Variants in BLM observed in about 807,000 individuals in gnomAD.
The protein encoded by BLM is BLM RecQ like helicase.
BLM carries 95 observed loss-of-function variants against 135.3 expected under a neutral mutation model. That is an observed-to-expected ratio of 0.70 (90% confidence interval 0.59 to 0.83). The LOEUF is 0.83. Among genes scored for constraint, BLM ranks in the 40% least tolerant of loss-of-function variants. The pLI, the probability that BLM is intolerant of heterozygous loss-of-function variation, is 0.00. For missense variants in BLM, 1,518 were observed against 1,663.9 expected (o/e 0.91, Z 1.53); for synonymous variants, 520 against 589.2 (o/e 0.88, Z 1.70).
intron 1 of BLM, among the ~76,000 whole-genome samples, chr15:90,720,819 C>T (rs183254747): frequency 1.2e-4 from 18 of 152,050 alleles, no homozygotes; most frequent in African/African-American, 4.1e-4. Flanking sequence ...ATCTCGAACT[C>T]GTAGGCTCAA....
At chr15:90,764,095 C>G (rs1174127063) in intron 8 of BLM, among the ~76,000 whole-genome samples, 1 of 151,662 alleles carries the variant, frequency 6.6e-6, no homozygotes, top group Admixed American at 6.6e-5. Flanking sequence ...TTTCAGAACT[C>G]TAACGCTGGA....
intron 14 of BLM, among the ~76,000 whole-genome samples, chr15:90,789,022 T>C (rs1211967293): frequency 2.3e-5 from 3 of 131,992 alleles, no homozygotes; most frequent in Admixed American, 8.3e-5. Flanking sequence ...TTATGTATAG[T>C]ATAAATAATC....
chr15:90,768,143 A>G (rs941595485), intron 10 of BLM, among the ~76,000 whole-genome samples: 6 of 152,002 alleles, frequency 3.9e-5, no homozygotes, highest in Admixed American at 6.6e-5. Flanking sequence ...GGGTTTCACC[A>G]TCTTGGCCAG....
chr15:90,730,897 T>C (rs1895051254), intron 1 of BLM, among the ~76,000 whole-genome samples: 1 of 152,182 alleles, frequency 6.6e-6, no homozygotes, highest in Non-Finnish European at 1.5e-5. Flanking sequence ...GAACCACTTC[T>C]GAGTCATTTT....
intron 14 of BLM, among the ~76,000 whole-genome samples, chr15:90,787,776 C>A (rs1268288382): frequency 1.3e-5 from 2 of 151,932 alleles, no homozygotes; most frequent in Non-Finnish European, 2.9e-5. Flanking sequence ...ATGGTGAAAC[C>A]CTGTCTCTAC....
intron 14 of BLM, among the ~76,000 whole-genome samples, chr15:90,787,583 A>T (rs1484154731): frequency 6.6e-6 from 1 of 152,180 alleles, no homozygotes; most frequent in Non-Finnish European, 1.5e-5. Flanking sequence ...AGAAAGATAT[A>T]AGAAGACTTA....
In BLM at chr15:90,798,200, C is replaced by G. The variant is rs144021705; in HGVS notation, c.3221C>G (p.Thr1074Arg). The G allele has an allele frequency of 6.2e-7, 1 of 1,605,184 alleles. No individual in the cohort carries two copies. Among genetic ancestry groups the G allele is most frequent in the Non-Finnish European group, 8.5e-7 (1 of 1,173,064 alleles). ...TCTTTTTATTCATAGGATTATAAAA[C>G]AAGAGATGTGACTGACGATGTGAAA... The part of the protein sequence containing the change: ...DNCCKTKDYK[T>R]RDVTDDVKSI... The change falls in exon 17 of 22, where the codon ACA (threonine) becomes AGA (arginine). Residue 1074 changes from threonine to arginine, a missense_variant. Physicochemically the swap from Thr to Arg is moderately conservative, Grantham distance 71. This residue lies in a region of BLM where 626 missense variants were observed against 681.1 expected (regional missense o/e 0.92). Transcript: ENST00000355112.
intron 5 of BLM, 79 bp downstream of exon 5, chr15:90,755,017 G>T (rs1169784851): frequency 1.2e-5 from 19 of 1,547,356 alleles, no homozygotes; most frequent in Non-Finnish European, 1.7e-5. Flanking sequence ...ATTGTGTTTT[G>T]AACCTGTGGC....
chr15:90,736,755 C>CAT (rs4009647), intron 1 of BLM, among the ~76,000 whole-genome samples: 58,276 of 151,870 alleles, frequency 0.38, 13,811 homozygotes, highest in African/African-American at 0.68. Context: ...TGATTTCTAA[C>CAT]ATGAATGGAA....
chr15:90,803,489 T>C (rs747840904), intron 17 of BLM, 32 bp from the exon 18 acceptor site: 1 of 1,584,958 alleles, frequency 6.3e-7, no homozygotes, highest in African/African-American at 1.3e-5. Context: ...TACGTACATT[T>C]ACTCATCTTA....
At position 90,804,173 on chromosome 15, in the gene BLM, T is replaced by G; in HGVS notation, c.3565T>G (p.Phe1189Val). ...TVLNGNLKVD[F>V]METENSSSVK... ...TTGTTTCTCTCTCATAAAGGTAGAC[T>G]TTATGGAAACAGAAAATTCCAGCAG... The change falls in exon 19 of 22, where the codon TTT (phenylalanine) becomes GTT (valine). Residue 1189 changes from phenylalanine (F) to valine (V), a missense_variant. Physicochemically the swap from Phe to Val is conservative, Grantham distance 50. Coordinates refer to ENST00000355112, the MANE Select transcript of BLM (RefSeq NM_000057.4). 6.2e-7 allele frequency: 1 copy of G among 1,613,694 alleles called. No individual in the cohort carries two copies. The highest frequency in any genetic ancestry group is 8.5e-7 in the Non-Finnish European group (1 of 1,179,634).
intron 1 of BLM, among the ~76,000 whole-genome samples, chr15:90,726,499 C>T (rs1254705467): frequency 6.6e-6 from 1 of 152,122 alleles, no homozygotes; most frequent in African/African-American, 2.4e-5. Flanking sequence ...AACTCCTGAC[C>T]TCAGGTGATC....
Position 90,760,688 on chromosome 15 carries a change from A to T in BLM, c.1315A>T (p.Met439Leu). The change falls in exon 7 of 22, where the codon ATG (methionine) becomes TTG (leucine). Residue 439 changes from methionine to leucine, a missense_variant. This residue lies in a region of BLM where 724 missense variants were observed against 756.9 expected (regional missense o/e 0.96). Transcript: ENST00000355112. ...RYRPDSLDGP[M>L]EGDSCPTGNS... ...CAGGCCTGATTCACTTGATGGCCCT[A>T]TGGAGGGTGATTCCTGCCCTACAGG... The T allele has an allele frequency of 1.2e-6, 2 of 1,614,088 alleles. No homozygotes were observed. Among genetic ancestry groups the T allele is most frequent in the Non-Finnish European group, 1.7e-6 (2 of 1,179,938 alleles).
chr15:90,814,968 G>T (rs1428685740), intron 21 of BLM, 134 bp from the exon 22 acceptor site: 2 of 819,804 alleles, frequency 2.4e-6, no homozygotes, highest in Non-Finnish European at 3.9e-6. Context: ...TACCTAGGGG[G>T]CTCGTAGGCA....
Position 90,787,289 on chromosome 15 carries a change from G to A in BLM, c.2823+2208G>A, listed in dbSNP as rs368176189. On this transcript the variant is annotated intron_variant, in intron 14 of 21. Coordinates refer to ENST00000355112, the MANE Select transcript of BLM (RefSeq NM_000057.4). ...AGGAGGGTCTCGATCTCCTGACCTCGTGATCCGCCCGCCTCGGCCTCCCAA... is the reference window on the plus strand; with the variant it reads ...AGGAGGGTCTCGATCTCCTGACCTCATGATCCGCCCGCCTCGGCCTCCCAA... Among the ~76,000 whole-genome samples, 163 of 151,536 alleles carry A rather than the reference G, an allele frequency of 1.1e-3. 1 individual carries two copies. The highest frequency in any genetic ancestry group is 7.1e-3 in the East Asian group (36 of 5,098).
intron 16 of BLM, among the ~76,000 whole-genome samples, chr15:90,795,962 C>T (rs1897019367): frequency 6.6e-6 from 1 of 152,108 alleles, no homozygotes; most frequent in Non-Finnish European, 1.5e-5. Context: ...AGCTTTCCTG[C>T]AAGAAGCTTT....
intron 12 of BLM, among the ~76,000 whole-genome samples, chr15:90,779,013 G>A (rs1896552239): frequency 6.6e-6 from 1 of 151,796 alleles, no homozygotes; most frequent in Non-Finnish European, 1.5e-5. Context: ...AGCTTCCTGA[G>A]TAGCTGAGAC....
intron 17 of BLM, among the ~76,000 whole-genome samples, chr15:90,801,744 G>A (rs1897169493): frequency 6.6e-6 from 1 of 151,920 alleles, no homozygotes; most frequent in South Asian, 2.1e-4. Flanking sequence ...ATGAGTCAGG[G>A]GAATGTTGCT....
chr15:90,815,511 T>C lies in BLM; in HGVS notation c.*232T>C, dbSNP rs182966812. 4.7e-3 allele frequency: 2,553 copies of C among 546,104 alleles called. 25 individuals are homozygous for C. The highest frequency in any genetic ancestry group is 3.7e-3 in the Non-Finnish European group (1,153 of 313,296). 33.8% of individuals were successfully genotyped at this position (546,104 alleles called of 1,614,324 possible). A position where few individuals can be genotyped will look rare whatever the true frequency, so the allele number is the denominator to read the frequency against. Reference sequence around the variant, plus strand: ...TGTGGCCGTTGTTTCTCAGAACGTCTGAGGCAGCAGCTGAATCATCTCAGT... The same window carrying C: ...TGTGGCCGTTGTTTCTCAGAACGTCCGAGGCAGCAGCTGAATCATCTCAGT... On this transcript the variant is annotated 3_prime_UTR_variant, in exon 22 of 22. Transcript: ENST00000355112. The surrounding 1 kb of genome is among the most constrained non-coding windows in gnomAD (Gnocchi z 4.6).
Sources: gnomAD v4.1 joint callset for allele counts (sites outside exome capture counted in the v4.1 genomes callset) on GRCh38, gnomAD v4.1.1 for gene constraint, gnomAD v4.1.1 regional missense constraint, Gnocchi (gnomAD v3.1) non-coding constraint, MANE v1.5 for transcripts, NCBI Gene and HGNC (gene_info 2026-07-23, HGNC 2026-07-21) for gene names.